Variants in PRKG1 observed in about 807,000 individuals in gnomAD.
The protein encoded by PRKG1 is cGMP-dependent protein kinase 1.
PRKG1 carries 35 observed loss-of-function variants against 88.1 expected under a neutral mutation model. That is an observed-to-expected ratio of 0.40 (90% confidence interval 0.30 to 0.53). PRKG1 has a LOEUF of 0.53. Ranked by LOEUF, PRKG1 falls within the 20% of genes least tolerant of loss-of-function variation. The pLI is 0.59. For synonymous variants in PRKG1, 303 were observed against 292.5 expected, an observed-to-expected ratio of 1.04 and a Z score of -0.37; for missense variants, 540 against 839.8, an observed-to-expected ratio of 0.64 and a Z score of 4.41.
chr10:51,852,179 T>C (rs979575503), intron 4 of PRKG1, among the ~76,000 whole-genome samples: 1 of 149,128 alleles, frequency 6.7e-6, no homozygotes, highest in Non-Finnish European at 1.5e-5. Flanking sequence ...ATATGTTATA[T>C]ATATAAGTTT....
chr10:51,043,553 A>C (rs1416480878), intron 1 of PRKG1, among the ~76,000 whole-genome samples: 7 of 152,170 alleles, frequency 4.6e-5, no homozygotes, highest in Non-Finnish European at 1.0e-4. Context: ...AATTTCTAGT[A>C]ATGGTCTGTC....
chr10:51,743,437 AAAT>A (rs1290303555), intron 3 of PRKG1, among the ~76,000 whole-genome samples: 1 of 151,766 alleles, frequency 6.6e-6, no homozygotes, highest in Non-Finnish European at 1.5e-5. Flanking sequence ...GGCAGCTTGG[AAAT>A]AATCACATGT....
intron 4 of PRKG1, among the ~76,000 whole-genome samples, chr10:51,857,880 C>T (rs568500436): frequency 5.3e-5 from 8 of 150,748 alleles, no homozygotes; most frequent in South Asian, 2.1e-4. Flanking sequence ...CCCTGAAGGA[C>T]GGTGAAAACA....
intron 9 of PRKG1, among the ~76,000 whole-genome samples, chr10:52,232,337 A>G (rs957302781): frequency 6.6e-6 from 1 of 152,132 alleles, no homozygotes; most frequent in Non-Finnish European, 1.5e-5. Context: ...AAACAAAAAA[A>G]AAAGAATGTT....
At chr10:51,500,770 T>C (rs1841002428) in intron 3 of PRKG1, among the ~76,000 whole-genome samples, 1 of 152,164 alleles carries the variant, frequency 6.6e-6, no homozygotes, top group African/African-American at 2.4e-5. Context: ...TCAATTAAGG[T>C]GTTGCCATCC....
intron 3 of PRKG1, among the ~76,000 whole-genome samples, chr10:51,531,081 T>C (rs1172575316): frequency 2.0e-5 from 3 of 152,256 alleles, no homozygotes; most frequent in Non-Finnish European, 2.9e-5. Context: ...TAGCACAAAA[T>C]TGAAACCTCC....
intron 3 of PRKG1, among the ~76,000 whole-genome samples, chr10:51,771,430 A>C (rs754675492): frequency 3.3e-5 from 5 of 152,156 alleles, no homozygotes; most frequent in Non-Finnish European, 7.4e-5. Flanking sequence ...ATGTCAGTGA[A>C]AGTACTGGGA....
At chr10:52,049,236 T>TA (rs1845932039) in intron 5 of PRKG1, among the ~76,000 whole-genome samples, 1 of 151,976 alleles carries the variant, frequency 6.6e-6, no homozygotes, top group Admixed American at 6.6e-5. Context: ...GAAAAAGGCT[T>TA]TATGAGGCCC....
intron 4 of PRKG1, among the ~76,000 whole-genome samples, chr10:51,834,091 T>A (rs1453142818): frequency 4.6e-5 from 7 of 152,116 alleles, no homozygotes; most frequent in African/African-American, 1.4e-4. Flanking sequence ...TAAATAGTAT[T>A]CCATTGTGTA....
At chr10:51,091,594 T>G (rs1844399021) in intron 1 of PRKG1, among the ~76,000 whole-genome samples, 1 of 152,210 alleles carries the variant, frequency 6.6e-6, no homozygotes, top group African/African-American at 2.4e-5. Flanking sequence ...GGACACTAAA[T>G]CTCATTACTG....
intron 3 of PRKG1, among the ~76,000 whole-genome samples, chr10:51,596,245 T>G (rs1387969841): frequency 6.6e-6 from 1 of 152,220 alleles, no homozygotes; most frequent in East Asian, 1.9e-4. Context: ...ACATCTGACA[T>G]GAGGTTGGTA....
chr10:51,809,948 A>T (rs1839410759), intron 4 of PRKG1, among the ~76,000 whole-genome samples: 1 of 151,898 alleles, frequency 6.6e-6, no homozygotes, highest in Non-Finnish European at 1.5e-5. Flanking sequence ...GTACTGTTTC[A>T]TCTCCTTAGA....
intron 4 of PRKG1, among the ~76,000 whole-genome samples, chr10:51,894,138 G>T (rs1841785813): frequency 1.3e-5 from 2 of 152,160 alleles, no homozygotes; most frequent in Admixed American, 6.5e-5. Flanking sequence ...CTACACTTCA[G>T]AAAATAAGTT....
In PRKG1 at chr10:51,528,243, C is replaced by T. The variant is rs552080213; in HGVS notation, c.592+60407C>T. Reference sequence around the variant, plus strand: ...TTTTAATCAGTACCTCCTCTCATAACAAATAATCCTGATTTTTCATTTGTG... The same window carrying T: ...TTTTAATCAGTACCTCCTCTCATAATAAATAATCCTGATTTTTCATTTGTG... On this transcript the variant is annotated intron_variant, in intron 3 of 17. Transcript: ENST00000373980. 2.0e-5 allele frequency among the ~76,000 whole-genome samples: 3 copies of T among 152,300 alleles called. No homozygotes were observed. In the South Asian group the frequency reaches 6.2e-4, roughly 32 times the overall value.
chr10:51,191,940 T>C (rs1311475265), intron 2 of PRKG1, among the ~76,000 whole-genome samples: 1 of 151,814 alleles, frequency 6.6e-6, no homozygotes, highest in Non-Finnish European at 1.5e-5. Flanking sequence ...CTGTGGGTCA[T>C]ACTGAAGAGG....
At chr10:51,512,174 A>AT (rs1375160777) in intron 3 of PRKG1, among the ~76,000 whole-genome samples, 1 of 72,006 alleles carries the variant, frequency 1.4e-5, no homozygotes, top group African/African-American at 6.3e-5. Flanking sequence ...CATTCTAATT[A>AT]ATTTTTTTTT....
At chr10:51,724,885 T>TA in intron 3 of PRKG1, among the ~76,000 whole-genome samples, 1 of 150,678 alleles carries the variant, frequency 6.6e-6, no homozygotes, top group Non-Finnish European at 1.5e-5. Context: ...TTTTTTTTTT[T>TA]TTTTTGTAAA....
chr10:51,483,539 G>A (rs953458921), intron 3 of PRKG1, among the ~76,000 whole-genome samples: 7 of 152,018 alleles, frequency 4.6e-5, no homozygotes, highest in African/African-American at 1.7e-4. Context: ...GTCTTTATAG[G>A]TGTAGACTAT....
At chr10:52,092,083 G>C (rs1263710378) in intron 7 of PRKG1, among the ~76,000 whole-genome samples, 1 of 152,064 alleles carries the variant, frequency 6.6e-6, no homozygotes, top group Non-Finnish European at 1.5e-5. Flanking sequence ...TTAACTTGTG[G>C]TTCCTATATT....
Sources: gnomAD v4.1 joint callset for allele counts (sites outside exome capture counted in the v4.1 genomes callset) on GRCh38, gnomAD v4.1.1 for gene constraint, MANE v1.5 for transcripts, NCBI Gene and HGNC (gene_info 2026-07-23, HGNC 2026-07-21) for gene names.